Variants in DAPK1 observed in about 807,000 individuals in gnomAD.
DAPK1 encodes death associated protein kinase 1.
A neutral mutation model predicts 144.9 loss-of-function variants in DAPK1; 56 were observed. The ratio of observed to expected loss-of-function variants is 0.39; its 90% confidence interval spans 0.31 to 0.48. The LOEUF (loss-of-function observed/expected upper bound fraction) is 0.48. Among genes scored for constraint, DAPK1 ranks in the 20% least tolerant of loss-of-function variants. The pLI, the probability that DAPK1 is intolerant of heterozygous loss-of-function variation, is 0.95. For synonymous variants in DAPK1, 690 were observed against 749.0 expected (o/e 0.92, Z 1.29); for missense variants, 1,454 against 1,875.4 (o/e 0.78, Z 4.15).
intron 2 of DAPK1, among the ~76,000 whole-genome samples, chr9:87,518,640 T>G (rs1051863014): frequency 9.2e-5 from 14 of 152,304 alleles, no homozygotes; most frequent in African/African-American, 3.1e-4. Flanking sequence ...TTTTAGCCTG[T>G]TATCTGACCA....
intron 2 of DAPK1, among the ~76,000 whole-genome samples, chr9:87,542,720 C>A (rs57938760): frequency 6.6e-6 from 1 of 152,128 alleles, no homozygotes; most frequent in Non-Finnish European, 1.5e-5. Flanking sequence ...TAAAGACAAA[C>A]GGCCAGTGAG....
intron 2 of DAPK1, among the ~76,000 whole-genome samples, chr9:87,499,544 C>T (rs1217826152): frequency 6.6e-6 from 1 of 152,182 alleles, no homozygotes; most frequent in African/African-American, 2.4e-5. Flanking sequence ...AATCTTAGTA[C>T]TTTACCCTCT....
chr9:87,600,148 G>A (rs994238575), intron 2 of DAPK1, among the ~76,000 whole-genome samples: 3 of 152,178 alleles, frequency 2.0e-5, no homozygotes, highest in Admixed American at 6.5e-5. Flanking sequence ...TGTGAGAGCC[G>A]AAGCAAGAAG....
intron 2 of DAPK1, among the ~76,000 whole-genome samples, chr9:87,543,773 G>C (rs1454293983): frequency 6.6e-6 from 1 of 152,036 alleles, no homozygotes; most frequent in Non-Finnish European, 1.5e-5. Context: ...CCATTTTGTT[G>C]CATCCTCAAA....
In DAPK1 at chr9:87,581,188, C is replaced by T. The variant is rs1473514426; in HGVS notation, c.63-23766C>T. On this transcript the variant is annotated intron_variant, in intron 2 of 25. Transcript: ENST00000408954. ...TCCAAAAGTCCATAGCTTCGGAAGA[C>T]GCATGGACACCTCTGTTCCTTGGAC... is the stretch of plus-strand genomic sequence containing the variant. Among the ~76,000 whole-genome samples the T allele has an allele frequency of 5.3e-5, 8 of 152,276 alleles. No homozygotes were observed. The South Asian group carries it at 8.3e-4, about 16-fold the overall frequency.
intron 2 of DAPK1, among the ~76,000 whole-genome samples, chr9:87,536,197 G>A (rs1825856608): frequency 6.6e-6 from 1 of 152,212 alleles, no homozygotes; most frequent in Non-Finnish European, 1.5e-5. Context: ...TCTGGGTTAA[G>A]GACATGTAGC....
At chr9:87,524,386 TCAGGCTG>T (rs1394403130) in intron 2 of DAPK1, among the ~76,000 whole-genome samples, 2 of 152,218 alleles carry the variant, frequency 1.3e-5, no homozygotes, top group African/African-American at 4.8e-5. Flanking sequence ...GGTGGTTCCC[TCAGGCTG>T]CAGCGGACAT....
intron 2 of DAPK1, among the ~76,000 whole-genome samples, chr9:87,598,792 C>A (rs925899982): frequency 5.3e-5 from 8 of 152,192 alleles, no homozygotes; most frequent in Non-Finnish European, 4.4e-5. Flanking sequence ...GCACCAGGAA[C>A]TATAGAAGAC....
At chr9:87,692,196 T>C (rs1242476454) in intron 21 of DAPK1, among the ~76,000 whole-genome samples, 1 of 152,114 alleles carries the variant, frequency 6.6e-6, no homozygotes, top group Non-Finnish European at 1.5e-5. Flanking sequence ...AGAACTGTTA[T>C]ATCTTCTTGC....
Position 87,703,021 on chromosome 9 carries a change from C to T in DAPK1, c.2872-8C>T, listed in dbSNP as rs767098648. The T allele has an allele frequency of 1.0e-5, 15 of 1,476,742 alleles. No homozygotes were observed. Among genetic ancestry groups the T allele is most frequent in the Middle Eastern group, 1.9e-4 (1 of 5,298 alleles). The allele number at this position is 1,476,742 out of a possible 1,614,324, so 91.5% of individuals were successfully genotyped here. A position where few individuals can be genotyped will look rare whatever the true frequency, so the allele number is the denominator to read the frequency against. Reference sequence around the variant, plus strand: ...GTGAGTTAACCTGTCTGGCCCTGCCCCCTCTAGGTCTGTCCTCCCATGACT... The same window carrying T: ...GTGAGTTAACCTGTCTGGCCCTGCCTCCTCTAGGTCTGTCCTCCCATGACT... On this transcript the variant is annotated splice_polypyrimidine_tract_variant and splice_region_variant and intron_variant, in intron 24 of 25. Transcript: ENST00000408954.
intron 2 of DAPK1, among the ~76,000 whole-genome samples, chr9:87,583,460 C>A (rs17053159): frequency 0.062 from 9,370 of 152,262 alleles, 545 homozygotes; most frequent in East Asian, 0.28. Flanking sequence ...CTAATTCTTA[C>A]AACTTTGACA....
Position 87,562,703 on chromosome 9 carries a change from C to G in DAPK1, c.63-42251C>G, listed in dbSNP as rs576297728. Among the ~76,000 whole-genome samples, 8 of 152,336 alleles carry G rather than the reference C, an allele frequency of 5.3e-5. No homozygotes were observed. In the South Asian group the frequency reaches 1.7e-3, roughly 32 times the overall value. Reference sequence around the variant, plus strand: ...TGAGATTGTCCATGTAACCACCTGACATACTGTTTTGCTTAATTTAAAGCA... The same window carrying G: ...TGAGATTGTCCATGTAACCACCTGAGATACTGTTTTGCTTAATTTAAAGCA... On this transcript the variant is annotated intron_variant, in intron 2 of 25. Transcript: ENST00000408954.
chr9:87,628,434 C>G (rs1472898532), intron 3 of DAPK1, among the ~76,000 whole-genome samples: 1 of 152,166 alleles, frequency 6.6e-6, no homozygotes, highest in African/African-American at 2.4e-5. Flanking sequence ...AAATTCACTC[C>G]GGTTCGACAA....
rs1386126140 is a variant in DAPK1, at chr9:87,702,001, G to T, written c.2872-1028G>T. 8.2e-6 allele frequency: 3 copies of T among 367,946 alleles called. No homozygotes were observed. In the East Asian group the frequency reaches 2.4e-4, roughly 29 times the overall value. The allele number at this position is 367,946 out of a possible 1,614,324, so 22.8% of individuals were successfully genotyped here. ...TGAGGGCCCCTGTGCTTCCCCACCA[G>T]GTCTGGATTGAGGCTGCATTCCTGA... is the stretch of plus-strand genomic sequence containing the variant. On this transcript the variant is annotated intron_variant, in intron 24 of 25. Coordinates refer to ENST00000408954, the MANE Select transcript of DAPK1 (RefSeq NM_004938.4).
At chr9:87,583,635 C>A (rs1340371214) in intron 2 of DAPK1, among the ~76,000 whole-genome samples, 1 of 152,118 alleles carries the variant, frequency 6.6e-6, no homozygotes, top group African/African-American at 2.4e-5. Flanking sequence ...ACTGTCATAA[C>A]CTGCACCCCA....
intron 20 of DAPK1, among the ~76,000 whole-genome samples, chr9:87,682,560 C>T (rs896526762): frequency 1.4e-4 from 22 of 152,212 alleles, no homozygotes; most frequent in South Asian, 1.0e-3. Flanking sequence ...TGGGTAGCTG[C>T]GGAGAGTTGG....
At chr9:87,705,291 G>T (rs1434640402) in intron 25 of DAPK1, among the ~76,000 whole-genome samples, 2 of 146,828 alleles carry the variant, frequency 1.4e-5, no homozygotes, top group Non-Finnish European at 3.0e-5. Flanking sequence ...GCCAAGGCTG[G>T]AGTGCAGTGG....
At chr9:87,633,916 G>C (rs1394640535) in intron 3 of DAPK1, among the ~76,000 whole-genome samples, 1 of 152,200 alleles carries the variant, frequency 6.6e-6, no homozygotes, top group Non-Finnish European at 1.5e-5. Context: ...TTAGGATCAA[G>C]ATTTGGAGAA....
chr9:87,588,806 T>C (rs1164205029), intron 2 of DAPK1, among the ~76,000 whole-genome samples: 1 of 152,196 alleles, frequency 6.6e-6, no homozygotes, highest in Non-Finnish European at 1.5e-5. Context: ...TACTCAATGC[T>C]ATGTATGCTT....
Sources: gnomAD v4.1 joint callset for allele counts (sites outside exome capture counted in the v4.1 genomes callset) on GRCh38, gnomAD v4.1.1 for gene constraint, MANE v1.5 for transcripts, NCBI Gene and HGNC (gene_info 2026-07-23, HGNC 2026-07-21) for gene names.